Variants in RNF115 observed in about 807,000 individuals in gnomAD.
RNF115 encodes the protein E3 ubiquitin-protein ligase RNF115.
In RNF115, 31 loss-of-function variants were observed where a neutral mutation model predicts 39.2. The observed-to-expected ratio is 0.79, with a 90% CI of 0.59 to 1.07. The LOEUF (loss-of-function observed/expected upper bound fraction) is 1.07, where lower values mean the gene tolerates loss of function less well. Ranked by LOEUF, RNF115 falls within the 50% of genes least tolerant of loss-of-function variation. RNF115 has a pLI of 0.00. For synonymous variants in RNF115, 124 were observed against 131.0 expected, an observed-to-expected ratio of 0.95 and a Z score of 0.37; for missense variants, 384 against 381.7, an observed-to-expected ratio of 1.01 and a Z score of -0.05.
intron 3 of RNF115, among the ~76,000 whole-genome samples, chr1:145,776,321 T>A (rs1352031608): frequency 6.6e-6 from 1 of 151,524 alleles, no homozygotes; most frequent in South Asian, 2.1e-4. Flanking sequence ...TCTGCCACCA[T>A]GCCCGACTAA....
chr1:145,757,803 G>GGTGT (rs35165304), intron 4 of RNF115, among the ~76,000 whole-genome samples: 40,374 of 151,846 alleles, frequency 0.27, 6,749 homozygotes, highest in Non-Finnish European at 0.36. Flanking sequence ...CTGTATGTTG[G>GGTGT]GTGTGTGATA....
At chr1:145,814,696 A>AT (rs1486674546) in intron 1 of RNF115, among the ~76,000 whole-genome samples, 6 of 152,048 alleles carry the variant, frequency 3.9e-5, no homozygotes, top group African/African-American at 1.4e-4. Context: ...CAATTTTCAG[A>AT]TTTTTTTCTT....
At chr1:145,769,528 TA>T (rs1647538121) in intron 4 of RNF115, among the ~76,000 whole-genome samples, 1 of 152,002 alleles carries the variant, frequency 6.6e-6, no homozygotes, top group Admixed American at 6.6e-5. Context: ...ACCACAGAAG[TA>T]ACTGAAAAGA....
chr1:145,770,029 A>G (rs1647564061), intron 4 of RNF115, among the ~76,000 whole-genome samples: 1 of 152,218 alleles, frequency 6.6e-6, no homozygotes, highest in African/African-American at 2.4e-5. Flanking sequence ...CCCCTAAAAA[A>G]GAGGTTTTAG....
At chr1:145,750,299 T>C in intron 7 of RNF115, 108 bp downstream of exon 7, 1 of 873,540 alleles carries the variant, frequency 1.1e-6, no homozygotes, top group Non-Finnish European at 1.8e-6. Flanking sequence ...TTTCTTATTT[T>C]TTTGTCTTTT....
In RNF115 at chr1:145,744,483, C is replaced by T. The variant is rs1553711368; in HGVS notation, c.*2383G>A. 1.3e-5 allele frequency: 2 copies of T among 152,182 alleles called. No individual in the cohort carries two copies. Among genetic ancestry groups the T allele is most frequent in the Non-Finnish European group, 2.9e-5 (2 of 68,040 alleles). 9.4% of individuals were successfully genotyped at this position (152,182 alleles called of 1,614,324 possible). On this transcript the variant is annotated 3_prime_UTR_variant, in exon 9 of 9. Transcript: ENST00000582693. ...TTATTCCCTCTGGGCCCAAATGAAT[C>T]ATACTTTCTGGTCACAACTTTTAGA... is the stretch of plus-strand genomic sequence containing the variant.
intron 1 of RNF115, among the ~76,000 whole-genome samples, chr1:145,792,895 T>C (rs587628966): frequency 6.6e-6 from 1 of 152,252 alleles, no homozygotes; most frequent in Admixed American, 6.5e-5. Flanking sequence ...TGAGACACAT[T>C]CATAATGGGC....
chr1:145,819,533 CGAA>C (rs1209926030), intron 1 of RNF115, among the ~76,000 whole-genome samples: 18 of 152,092 alleles, frequency 1.2e-4, no homozygotes, highest in Non-Finnish European at 2.4e-4. Context: ...CCACCAGACA[CGAA>C]GAAGAGCTTG....
chr1:145,764,488 G>A (rs1207201716), intron 4 of RNF115, among the ~76,000 whole-genome samples: 3 of 134,756 alleles, frequency 2.2e-5, no homozygotes, highest in Non-Finnish European at 3.2e-5. Flanking sequence ...GCCCGGCCGC[G>A]ACCCCGTCTG....
intron 1 of RNF115, among the ~76,000 whole-genome samples, chr1:145,795,446 G>A (rs1296006652): frequency 1.3e-5 from 2 of 152,032 alleles, no homozygotes; most frequent in African/African-American, 2.4e-5. Context: ...CCATTTTACA[G>A]AGCGCTGATT....
chr1:145,751,307 G>T (rs1658077635), intron 6 of RNF115, 131 bp downstream of exon 6: 10 of 622,616 alleles, frequency 1.6e-5, no homozygotes, highest in Non-Finnish European at 2.6e-5. Flanking sequence ...TTAGTAAAAT[G>T]GAAACCCCAA....
chr1:145,766,322 G>A lies in RNF115; in HGVS notation c.428+5389C>T, dbSNP rs587644779. ...GCACAGGGTTGGGGGTAAGGTCACA[G>A]ATCAACAGGATCCTAAGGCAGAAGA... On this transcript the variant is annotated intron_variant, in intron 4 of 8. Coordinates refer to ENST00000582693, the MANE Select transcript of RNF115 (RefSeq NM_014455.4). 9.2e-5 allele frequency among the ~76,000 whole-genome samples: 14 copies of A among 152,302 alleles called. No homozygotes were observed. In the South Asian group the frequency reaches 2.7e-3, roughly 29 times the overall value.
intron 3 of RNF115, among the ~76,000 whole-genome samples, chr1:145,782,047 C>T (rs782131256): frequency 8.6e-5 from 13 of 151,950 alleles, no homozygotes; most frequent in East Asian, 1.9e-4. Flanking sequence ...GAATTACAGG[C>T]GCCCACCACC....
intron 3 of RNF115, among the ~76,000 whole-genome samples, chr1:145,778,843 A>G (rs146078627): frequency 2.4e-3 from 371 of 152,346 alleles, no homozygotes; most frequent in African/African-American, 8.4e-3. Flanking sequence ...TTCTCCAGCA[A>G]GTGGAGTTCA....
chr1:145,777,488 T>C lies in RNF115; in HGVS notation c.220-5569A>G, dbSNP rs184487064. ...GTGGCCTATTTTAATCTCAAAATAATAGTGTACCCTGACCAAAGAACACAG... is the reference window on the plus strand; with the variant it reads ...GTGGCCTATTTTAATCTCAAAATAACAGTGTACCCTGACCAAAGAACACAG... On this transcript the variant is annotated intron_variant, in intron 3 of 8. Transcript: ENST00000582693. Among the ~76,000 whole-genome samples, 90 of 152,242 alleles carry C rather than the reference T, an allele frequency of 5.9e-4. 1 individual carries two copies. Among genetic ancestry groups the C allele is most frequent in the African/African-American group, 2.1e-3 (86 of 41,546 alleles).
In RNF115 at chr1:145,812,768, G is replaced by A. The variant is rs587770790; in HGVS notation, c.102+11004C>T. 1.1e-4 allele frequency among the ~76,000 whole-genome samples: 17 copies of A among 151,868 alleles called. No individual in the cohort carries two copies. In the South Asian group the frequency reaches 1.5e-3, roughly 13 times the overall value. ...TATGCCTGGTTTAAAAATCACTGGC[G>A]CCAACTCACTTCTATCTTTTTTTAA... On this transcript the variant is annotated intron_variant, in intron 1 of 8. Coordinates refer to ENST00000582693, the MANE Select transcript of RNF115 (RefSeq NM_014455.4).
At chr1:145,750,628 T>C in intron 6 of RNF115, 128 bp from the exon 7 acceptor site, 1 of 669,376 alleles carries the variant, frequency 1.5e-6, no homozygotes, top group East Asian at 2.8e-5. Flanking sequence ...TCTGCAAGGC[T>C]CTGAGAGGCT....
At chr1:145,758,359 A>G (rs1658377465) in intron 4 of RNF115, among the ~76,000 whole-genome samples, 1 of 152,136 alleles carries the variant, frequency 6.6e-6, no homozygotes, top group South Asian at 2.1e-4. Context: ...GCCATCTTGG[A>G]AGTGGATGTT....
chr1:145,753,000 C>A lies in RNF115; in HGVS notation c.478G>T (p.Gly160Ter). 1.9e-6 allele frequency: 3 copies of A among 1,610,516 alleles called. No individual in the cohort carries two copies. The highest frequency in any genetic ancestry group is 2.5e-6 in the Non-Finnish European group (3 of 1,177,168). Residue 160 changes from glycine to a stop codon, truncating the protein, a stop_gained, in exon 5 of 9, where the codon GGA becomes TGA. Coordinates refer to ENST00000582693, the MANE Select transcript of RNF115 (RefSeq NM_014455.4). LOFTEE classifies it high-confidence loss of function. Reference sequence around the variant, plus strand: ...TACCAGGAAAAAGGGTGTGGAGATCCAGGAATGGCAGAATTTGCAAAGAAT... The same window carrying A: ...TACCAGGAAAAAGGGTGTGGAGATCAAGGAATGGCAGAATTTGCAAAGAAT... Reference protein sequence around the residue: ...AGFFANSAIPGSPHPFSWSGM... With the variant: ...AGFFANSAIP
Sources: allele counts gnomAD v4.1 joint callset (sites outside exome capture counted in the v4.1 genomes callset), GRCh38; gene constraint gnomAD v4.1.1; transcripts MANE v1.5; gene names NCBI Gene and HGNC (gene_info 2026-07-23, HGNC 2026-07-21).